Variants in NRG1 observed in about 807,000 individuals in gnomAD.
NRG1 encodes pro-neuregulin-1, membrane-bound isoform.
Under a neutral mutation model 63.8 loss-of-function variants are expected in NRG1, and 18 were observed. The observed-to-expected ratio is 0.28, with a 90% confidence interval of 0.19 to 0.42. The LOEUF is 0.42. Ranked by LOEUF, NRG1 falls within the 10% of genes least tolerant of loss-of-function variation. NRG1 has a pLI of 1.00. For synonymous variants in NRG1, 302 were observed against 301.3 expected, an observed-to-expected ratio of 1.00 and a Z score of -0.02; for missense variants, 762 against 814.7, an observed-to-expected ratio of 0.94 and a Z score of 0.79.
intron 1 of NRG1, among the ~76,000 whole-genome samples, chr8:32,563,702 C>T (rs1398646205): frequency 1.3e-5 from 2 of 152,134 alleles, no homozygotes; most frequent in Admixed American, 6.5e-5. Context: ...ATGTTCTTCA[C>T]ATTCAGTTTT....
chr8:32,434,355 TTTTA>T (rs1381816399), intron 1 of NRG1, among the ~76,000 whole-genome samples: 1 of 152,168 alleles, frequency 6.6e-6, no homozygotes, highest in African/African-American at 2.4e-5. Flanking sequence ...TTGTTCTGCC[TTTTA>T]ATACTAACAA....
rs564483692 is a variant in NRG1, at chr8:32,322,710, G to A, written c.38-273118G>A. On this transcript the variant is annotated intron_variant, in intron 1 of 10. Transcript: ENST00000519301. ...GGGGTAGCTCAGGACAGGAAAGGAA[G>A]GATATTCTGAAATGATTTTCTCCTT... Among the ~76,000 whole-genome samples, 156 of 152,100 alleles carry A rather than the reference G, an allele frequency of 1.0e-3. 1 individual carries two copies. Among genetic ancestry groups the A allele is most frequent in the African/African-American group, 3.6e-3 (149 of 41,484 alleles).
intron 1 of NRG1, among the ~76,000 whole-genome samples, chr8:32,488,364 C>T (rs1826151618): frequency 6.6e-6 from 1 of 152,166 alleles, no homozygotes; most frequent in Non-Finnish European, 1.5e-5. Flanking sequence ...TGCAAGTAAT[C>T]TTTCTCTTAG....
chr8:32,272,683 C>A (rs1340018528), intron 1 of NRG1, among the ~76,000 whole-genome samples: 1 of 152,270 alleles, frequency 6.6e-6, no homozygotes, highest in South Asian at 2.1e-4. Context: ...GATGAGAGTT[C>A]TTCACATAAA....
chr8:31,818,876 T>C (rs930340157), intron 1 of NRG1, among the ~76,000 whole-genome samples: 10 of 152,150 alleles, frequency 6.6e-5, no homozygotes, highest in African/African-American at 2.4e-4. Flanking sequence ...GCTAACACGG[T>C]GAAACCCTGT....
intron 1 of NRG1, among the ~76,000 whole-genome samples, chr8:31,991,388 G>T (rs424010): frequency 0.044 from 1,159 of 26,622 alleles, 17 homozygotes; most frequent in African/African-American, 0.079. Context: ...CTCTTCTTCT[G>T]CTGCTTCTTC....
At chr8:31,711,038 C>T (rs1322173123) in intron 1 of NRG1, among the ~76,000 whole-genome samples, 1 of 152,168 alleles carries the variant, frequency 6.6e-6, no homozygotes, top group South Asian at 2.1e-4. Context: ...GTACTTCTAT[C>T]AGTTTTTTTG....
intron 1 of NRG1, among the ~76,000 whole-genome samples, chr8:32,211,254 T>G (rs1586117695): frequency 6.6e-6 from 1 of 152,318 alleles, no homozygotes; most frequent in East Asian, 1.9e-4. Flanking sequence ...CATGCATTTA[T>G]TTTTTTCACA....
chr8:32,484,417 G>A (rs533602552), intron 1 of NRG1, among the ~76,000 whole-genome samples: 2 of 152,328 alleles, frequency 1.3e-5, no homozygotes, highest in African/African-American at 4.8e-5. Context: ...GAGATTTCAA[G>A]AGCAGATCAC....
At chr8:32,093,509 C>A (rs1829488127) in intron 1 of NRG1, among the ~76,000 whole-genome samples, 1 of 152,140 alleles carries the variant, frequency 6.6e-6, no homozygotes. Context: ...GCAGGAATAT[C>A]CTTGTACCAA....
chr8:32,731,451 A>G (rs1254056504), intron 6 of NRG1, among the ~76,000 whole-genome samples: 2 of 151,624 alleles, frequency 1.3e-5, no homozygotes, highest in Admixed American at 6.6e-5. Flanking sequence ...AGTTATTTAA[A>G]TTATTACTGG....
intron 5 of NRG1, among the ~76,000 whole-genome samples, chr8:32,667,329 A>G (rs1374595679): frequency 6.6e-6 from 1 of 152,174 alleles, no homozygotes; most frequent in Non-Finnish European, 1.5e-5. Flanking sequence ...ATGGCACGTG[A>G]TGGTATATGC....
chr8:32,515,288 G>T (rs1217544487), intron 1 of NRG1, among the ~76,000 whole-genome samples: 2 of 152,084 alleles, frequency 1.3e-5, no homozygotes, highest in South Asian at 2.1e-4. Context: ...ATTATTTTTT[G>T]ACTTCTTTTC....
intron 1 of NRG1, among the ~76,000 whole-genome samples, chr8:32,499,502 G>A (rs889001414): frequency 3.3e-5 from 5 of 152,010 alleles, no homozygotes; most frequent in African/African-American, 1.2e-4. Flanking sequence ...GGGCAACACA[G>A]TGTGACTCCA....
At chr8:31,726,115 G>A (rs6994216) in intron 1 of NRG1, among the ~76,000 whole-genome samples, 31,217 of 151,834 alleles carry the variant, frequency 0.21, 3,666 homozygotes, top group Non-Finnish European at 0.26. Context: ...TTTTCCAGGG[G>A]GTTTTAGTGG....
chr8:31,689,575 T>TG (rs1809277030), intron 1 of NRG1, among the ~76,000 whole-genome samples: 1 of 152,340 alleles, frequency 6.6e-6, no homozygotes, highest in Non-Finnish European at 1.5e-5. Flanking sequence ...TGGCCTCTGT[T>TG]GCAGCTCTTC....
At chr8:32,116,962 C>T (rs975326526) in intron 1 of NRG1, among the ~76,000 whole-genome samples, 3 of 131,856 alleles carry the variant, frequency 2.3e-5, no homozygotes, top group African/African-American at 8.9e-5. Context: ...TATAGAGACC[C>T]TGTCTCTACA....
At chr8:32,349,504 A>T (rs1685107) in intron 1 of NRG1, among the ~76,000 whole-genome samples, 101,530 of 151,964 alleles carry the variant, frequency 0.67, 34,264 homozygotes, top group East Asian at 0.9. Context: ...CTTAGTATTT[A>T]CTTATGTCTC....
At chr8:31,790,786 T>G (rs1436405522) in intron 1 of NRG1, among the ~76,000 whole-genome samples, 1 of 152,142 alleles carries the variant, frequency 6.6e-6, no homozygotes, top group Non-Finnish European at 1.5e-5. Context: ...CACCCTTCCG[T>G]GCAAATTTTA....
Sources: allele counts gnomAD v4.1 joint callset (sites outside exome capture counted in the v4.1 genomes callset), GRCh38; gene constraint gnomAD v4.1.1; transcripts MANE v1.5; gene names NCBI Gene and HGNC (gene_info 2026-07-23, HGNC 2026-07-21).